PPP1R16B: variants seen among roughly 807,000 people sequenced by gnomAD.
PPP1R16B encodes protein phosphatase 1 regulatory subunit 16B.
PPP1R16B carries 14 observed loss-of-function variants against 61.7 expected under a neutral mutation model. That is an observed-to-expected ratio of 0.23 (90% confidence interval 0.15 to 0.35). The LOEUF is 0.35. Among genes scored for constraint, PPP1R16B ranks in the 10% least tolerant of loss-of-function variants. The probability of loss-of-function intolerance (pLI) is 1.00; values close to 1 mark genes in which losing one functional copy is unlikely to be tolerated. For synonymous variants in PPP1R16B, 266 were observed against 305.3 expected, an observed-to-expected ratio of 0.87 and a Z score of 1.34; for missense variants, 547 against 752.5, an observed-to-expected ratio of 0.73 and a Z score of 3.19.
At chr20:38,893,608 G>GGGAGGAGGCA (rs1200647225) in intron 3 of PPP1R16B, among the ~76,000 whole-genome samples, 12 of 151,932 alleles carry the variant, frequency 7.9e-5, no homozygotes, top group Non-Finnish European at 1.8e-4. Context: ...GGGAGGAGGC[G>GGGAGGAGGCA]GCTGACTGCC....
At position 38,900,624 on chromosome 20, in the gene PPP1R16B, T is replaced by C; in HGVS notation, c.511T>C (p.Tyr171His). Residue 171 changes from tyrosine (Y) to histidine (H), a missense_variant, in exon 5 of 11, where the codon TAT (tyrosine) becomes CAT (histidine). By Grantham distance (83) the Tyr-to-His change is moderately conservative. Transcript: ENST00000299824. ...TGTCAACTCGGATGGGAACATGCCA[T>C]ATGACCTCTGCGAGGATGAACCCAC... ...LAVNSDGNMP[Y>H]DLCEDEPTLD... 2 of 1,598,778 alleles carry C rather than the reference T, an allele frequency of 1.3e-6. No homozygotes were observed. Among genetic ancestry groups the C allele is most frequent in the Admixed American group, 1.7e-5 (1 of 57,168 alleles).
intron 5 of PPP1R16B, 89 bp downstream of exon 5, chr20:38,900,773 C>G (rs779355769): frequency 8.0e-6 from 8 of 1,003,806 alleles, no homozygotes; most frequent in Non-Finnish European, 1.1e-5. Context: ...AGATTAGCTA[C>G]GCATCGGCCT....
chr20:38,857,027 G>A (rs752469324), intron 2 of PPP1R16B, among the ~76,000 whole-genome samples: 1 of 152,198 alleles, frequency 6.6e-6, no homozygotes, highest in Non-Finnish European at 1.5e-5. Flanking sequence ...CCCCACCTAC[G>A]GTGGGCACAG....
At chr20:38,833,498 C>T (rs2084850535) in intron 1 of PPP1R16B, among the ~76,000 whole-genome samples, 2 of 152,252 alleles carry the variant, frequency 1.3e-5, no homozygotes, top group South Asian at 4.1e-4. Context: ...TTTCAAGATG[C>T]TACCACTGGG....
At position 38,902,670 on chromosome 20, in the gene PPP1R16B, A is replaced by G; in HGVS notation, c.574A>G (p.Ile192Val). 1 of 1,614,190 alleles carries G rather than the reference A, an allele frequency of 6.2e-7. No homozygotes were observed. The highest frequency in any genetic ancestry group is 8.5e-7 in the Non-Finnish European group (1 of 1,180,034). ...AAATCCCCTCTTTCCCACTGCAGGC[A>G]TCACCCAAGAGAAAATCAACGAGAT... The part of the protein sequence containing the change: ...VIETCMAYQG[I>V]TQEKINEMRV... The change falls in exon 6 of 11, where the codon ATC becomes GTC. Residue 192 changes from isoleucine to valine, a missense_variant and splice_region_variant. Ile to Val is a conservative substitution (Grantham distance 29, BLOSUM62 3). Transcript: ENST00000299824.
chr20:38,850,043 G>C (rs1410030708), intron 2 of PPP1R16B, among the ~76,000 whole-genome samples: 1 of 152,166 alleles, frequency 6.6e-6, no homozygotes, highest in Non-Finnish European at 1.5e-5. Context: ...ACAGCTTCAG[G>C]CACTTGTGGA....
At chr20:38,909,158 C>T (rs1353879842) in intron 10 of PPP1R16B, among the ~76,000 whole-genome samples, 2 of 151,970 alleles carry the variant, frequency 1.3e-5, no homozygotes, top group African/African-American at 2.4e-5. Flanking sequence ...GGGGCCATCA[C>T]GACTGGCTAA....
intron 2 of PPP1R16B, among the ~76,000 whole-genome samples, chr20:38,846,595 T>C (rs986658768): frequency 6.6e-6 from 1 of 152,256 alleles, no homozygotes; most frequent in Non-Finnish European, 1.5e-5. Context: ...TGACCTCATA[T>C]ATCCTATCAT....
intron 2 of PPP1R16B, among the ~76,000 whole-genome samples, chr20:38,867,684 TC>T (rs1214825158): frequency 2.6e-5 from 4 of 151,562 alleles, no homozygotes; most frequent in Non-Finnish European, 4.4e-5. Context: ...TTCTTTTTTT[TC>T]CCCCCGAGAT....
At chr20:38,880,116 A>G (rs1378428651) in intron 2 of PPP1R16B, among the ~76,000 whole-genome samples, 1 of 152,214 alleles carries the variant, frequency 6.6e-6, no homozygotes, top group Admixed American at 6.5e-5. Context: ...ACTACATCAC[A>G]GGAGCAGCAC....
chr20:38,821,013 C>T (rs1298946139), intron 1 of PPP1R16B, among the ~76,000 whole-genome samples: 1 of 147,734 alleles, frequency 6.8e-6, no homozygotes, highest in East Asian at 2.0e-4. Context: ...TGTACTCCAG[C>T]CTGGGTGACA....
In PPP1R16B at chr20:38,806,905, G is replaced by A. The variant is rs1458294139; in HGVS notation, c.-102+1113G>A. ...TCAGGAGCGGAGGGAGAGGGATGTGGCTTCATCAGCGCTTCTAGGAACCGA... is the reference window on the plus strand; with the variant it reads ...TCAGGAGCGGAGGGAGAGGGATGTGACTTCATCAGCGCTTCTAGGAACCGA... On this transcript the variant is annotated intron_variant, in intron 1 of 10. Coordinates refer to ENST00000299824, the MANE Select transcript of PPP1R16B (RefSeq NM_015568.4). This position sits in a 1 kb window ranked among gnomAD's most constrained non-coding sequence, Gnocchi z 4.5. 3.3e-5 allele frequency among the ~76,000 whole-genome samples: 5 copies of A among 152,230 alleles called. No homozygotes were observed. The highest frequency in any genetic ancestry group is 1.2e-4 in the African/African-American group (5 of 41,480).
chr20:38,817,037 C>A (rs188425613), intron 1 of PPP1R16B, among the ~76,000 whole-genome samples: 10 of 152,324 alleles, frequency 6.6e-5, no homozygotes, highest in African/African-American at 2.2e-4. Flanking sequence ...CCCTCTCCCA[C>A]GTATTGAATA....
chr20:38,870,063 A>G (rs2085117423), intron 2 of PPP1R16B, among the ~76,000 whole-genome samples: 1 of 152,080 alleles, frequency 6.6e-6, no homozygotes, highest in South Asian at 2.1e-4. Flanking sequence ...AGCTGGGATT[A>G]CAGGTGCCCA....
At position 38,907,512 on chromosome 20, in the gene PPP1R16B, C is replaced by T. The variant is rs2085454103; in HGVS notation, c.899-294C>T. The stretch of plus-strand genomic sequence containing the variant: ...TTTATTGCTTGGGCTATGTGGGGTA[C>T]CTGCTTGGGGACTCTTCTTGGAAAC... On this transcript the variant is annotated intron_variant, in intron 8 of 10. Transcript: ENST00000299824. This position sits in a 1 kb window ranked among gnomAD's most constrained non-coding sequence, Gnocchi z 4.5. Among the ~76,000 whole-genome samples the T allele has an allele frequency of 1.3e-5, 2 of 152,096 alleles. No homozygotes were observed. Among genetic ancestry groups the T allele is most frequent in the African/African-American group, 4.8e-5 (2 of 41,396 alleles).
chr20:38,851,522 TA>T (rs562594994), intron 2 of PPP1R16B, among the ~76,000 whole-genome samples: 2 of 152,102 alleles, frequency 1.3e-5, no homozygotes, highest in Non-Finnish European at 2.9e-5. Flanking sequence ...CTCTGAGGGT[TA>T]AATTACAACA....
In PPP1R16B at chr20:38,907,748, C is replaced by G. The variant is rs917923998; in HGVS notation, c.899-58C>G. ...TGGCAGCTCCTCTGGTCTGGAGCAC[C>G]CTCTTGCGCCACAGGTCCTGGCCCC... On this transcript the variant is annotated intron_variant, in intron 8 of 10. Transcript: ENST00000299824. The surrounding 1 kb of genome is among the most constrained non-coding windows in gnomAD (Gnocchi z 4.5). 61 of 1,593,310 alleles carry G rather than the reference C, an allele frequency of 3.8e-5. No homozygotes were observed. The highest frequency in any genetic ancestry group is 5.0e-5 in the Non-Finnish European group (58 of 1,164,822).
Position 38,907,161 on chromosome 20 carries a change from T to A in PPP1R16B, c.898+107T>A. 1 of 880,524 alleles carries A rather than the reference T, an allele frequency of 1.1e-6. No individual in the cohort carries two copies. The highest frequency in any genetic ancestry group is 1.5e-5 in the South Asian group (1 of 66,822). The allele number at this position is 880,524 out of a possible 1,614,324, so 54.5% of individuals were successfully genotyped here. A position where few individuals can be genotyped will look rare whatever the true frequency, so the allele number is the denominator to read the frequency against. ...ATGGTTGTATAGATTGATGGATTGGTGTCTAGATAGATAGATGGATTAATT... is the reference window on the plus strand; with the variant it reads ...ATGGTTGTATAGATTGATGGATTGGAGTCTAGATAGATAGATGGATTAATT... On this transcript the variant is annotated intron_variant, in intron 8 of 10. Coordinates refer to ENST00000299824, the MANE Select transcript of PPP1R16B (RefSeq NM_015568.4). The surrounding 1 kb of genome is among the most constrained non-coding windows in gnomAD (Gnocchi z 4.5).
At chr20:38,858,297 C>G (rs2085022304) in intron 2 of PPP1R16B, among the ~76,000 whole-genome samples, 1 of 152,116 alleles carries the variant, frequency 6.6e-6, no homozygotes, top group Admixed American at 6.5e-5. Context: ...TCTGATGTCC[C>G]TGGGGTTCTC....
Sources: allele counts gnomAD v4.1 joint callset (sites outside exome capture counted in the v4.1 genomes callset), GRCh38; gene constraint gnomAD v4.1.1; non-coding constraint Gnocchi (gnomAD v3.1); transcripts MANE v1.5; gene names NCBI Gene and HGNC (gene_info 2026-07-23, HGNC 2026-07-21).